Variants in SH3RF1 observed in about 807,000 individuals in gnomAD.
The protein encoded by SH3RF1 is E3 ubiquitin-protein ligase SH3RF1.
SH3RF1 carries 32 observed loss-of-function variants against 74.0 expected under a neutral mutation model. The ratio of observed to expected loss-of-function variants is 0.43; its 90% CI spans 0.33 to 0.58. The LOEUF (loss-of-function observed/expected upper bound fraction) is 0.58, where lower values mean the gene tolerates loss of function less well. Ranked by LOEUF, SH3RF1 falls within the 20% of genes least tolerant of loss-of-function variation. SH3RF1 has a pLI of 0.05. For missense variants in SH3RF1, 954 were observed against 1,130.9 expected (o/e 0.84, Z 2.24); for synonymous variants, 396 against 439.6 (o/e 0.90, Z 1.24).
intron 2 of SH3RF1, among the ~76,000 whole-genome samples, chr4:169,249,160 G>A (rs1179415339): frequency 3.9e-5 from 6 of 152,106 alleles, no homozygotes; most frequent in East Asian, 3.9e-4. Context: ...CCCGGGAGGC[G>A]GAGCTTGCAG....
chr4:169,145,385 A>G (rs953835898), intron 4 of SH3RF1, among the ~76,000 whole-genome samples: 7 of 152,130 alleles, frequency 4.6e-5, no homozygotes, highest in Middle Eastern at 6.8e-3. Flanking sequence ...AAAGATGGAA[A>G]TAACAGACAC....
intron 2 of SH3RF1, among the ~76,000 whole-genome samples, chr4:169,241,654 CA>C (rs1212503056): frequency 6.6e-6 from 1 of 152,110 alleles, no homozygotes; most frequent in African/African-American, 2.4e-5. Flanking sequence ...GCCTCTACAC[CA>C]AAAGGACAAT....
rs551947984 is a variant in SH3RF1 at position 169,176,195 on chromosome 4, G to A, written c.394-19516C>T. Among the ~76,000 whole-genome samples, 15 of 152,244 alleles carry A rather than the reference G, an allele frequency of 9.9e-5. No individual in the cohort carries two copies. In the South Asian group the frequency reaches 1.7e-3, roughly 17 times the overall value. On this transcript the variant is annotated intron_variant, in intron 2 of 11. Coordinates refer to ENST00000284637, the MANE Select transcript of SH3RF1 (RefSeq NM_020870.4). ...TTTATACTCCCCAGTCAGGTATTTT[G>A]TCCTAGCAGCCCAAGATCCCTAAGA...
At chr4:169,255,153 T>C (rs568752549) in intron 2 of SH3RF1, among the ~76,000 whole-genome samples, 21 of 152,316 alleles carry the variant, frequency 1.4e-4, no homozygotes, top group African/African-American at 4.6e-4. Flanking sequence ...AAAAACCCAG[T>C]AGATGACCAT....
chr4:169,158,044 T>G (rs969466201), intron 2 of SH3RF1, among the ~76,000 whole-genome samples: 1 of 152,246 alleles, frequency 6.6e-6, no homozygotes, highest in Admixed American at 6.5e-5. Flanking sequence ...CAGTGCAAGC[T>G]TTTACTTTTT....
chr4:169,199,517 T>C (rs1021225440), intron 2 of SH3RF1, among the ~76,000 whole-genome samples: 1 of 152,016 alleles, frequency 6.6e-6, no homozygotes, highest in African/African-American at 2.4e-5. Context: ...GGCCCCAACA[T>C]GGTAAAAGTC....
At chr4:169,128,542 A>G (rs1345448314) in intron 6 of SH3RF1, among the ~76,000 whole-genome samples, 2 of 152,236 alleles carry the variant, frequency 1.3e-5, no homozygotes. Context: ...GCCTAAGTCA[A>G]GCTAGGTAAT....
intron 2 of SH3RF1, among the ~76,000 whole-genome samples, chr4:169,194,136 C>T (rs1167685451): frequency 6.6e-6 from 1 of 152,114 alleles, no homozygotes; most frequent in African/African-American, 2.4e-5. Context: ...GTATGAAGTT[C>T]AGGTAGTCGT....
intron 1 of SH3RF1, 75 bp downstream of exon 1, chr4:169,270,784 A>C (rs1352595732): frequency 6.6e-6 from 1 of 152,070 alleles, no homozygotes. Flanking sequence ...GAATGTCGAG[A>C]CCACCGCCTT....
At position 169,158,571 on chromosome 4, in the gene SH3RF1, T is replaced by C. The variant is rs547858954; in HGVS notation, c.394-1892A>G. 4.6e-5 allele frequency among the ~76,000 whole-genome samples: 7 copies of C among 152,364 alleles called. No homozygotes were observed. The South Asian group carries it at 1.2e-3, about 27-fold the overall frequency. ...TGCACAAACAGACTTAGGTCCTATG[T>C]GCCGGACAGATCAGTCTGGCAGTAG... On this transcript the variant is annotated intron_variant, in intron 2 of 11. Coordinates refer to ENST00000284637, the MANE Select transcript of SH3RF1 (RefSeq NM_020870.4).
intron 2 of SH3RF1, among the ~76,000 whole-genome samples, chr4:169,216,150 G>T (rs1730458910): frequency 6.6e-6 from 1 of 151,972 alleles, no homozygotes; most frequent in Non-Finnish European, 1.5e-5. Flanking sequence ...AGCTATATTT[G>T]TATCAGTAGT....
chr4:169,255,622 TACACACACACAC>T (rs56229906), intron 2 of SH3RF1, among the ~76,000 whole-genome samples: 16 of 124,742 alleles, frequency 1.3e-4, no homozygotes, highest in South Asian at 6.1e-4. Context: ...CATACACACA[TACACACACACAC>T]ACACACACAC....
chr4:169,161,585 C>T (rs1734148746), intron 2 of SH3RF1, among the ~76,000 whole-genome samples: 1 of 152,198 alleles, frequency 6.6e-6, no homozygotes, highest in South Asian at 2.1e-4. Context: ...CCCAGATGTA[C>T]GTGCAAGACA....
Position 169,120,815 on chromosome 4 carries a change from A to G in SH3RF1, c.1517+4T>C, listed in dbSNP as rs1233809917. The G allele has an allele frequency of 1.9e-6, 3 of 1,613,344 alleles. No individual in the cohort carries two copies. The highest frequency in any genetic ancestry group is 1.3e-5 in the African/African-American group (1 of 74,930). On this transcript the variant is annotated splice_donor_region_variant and intron_variant, in intron 8 of 11. Coordinates refer to ENST00000284637, the MANE Select transcript of SH3RF1 (RefSeq NM_020870.4). The stretch of plus-strand genomic sequence containing the variant: ...CATAGTAAACAATGTATTCAAAACC[A>G]TACCTTGTGACTGGTGCCACATAAT...
intron 2 of SH3RF1, among the ~76,000 whole-genome samples, chr4:169,178,276 T>C (rs985908741): frequency 6.2e-5 from 9 of 144,688 alleles, no homozygotes; most frequent in African/African-American, 2.2e-4. Context: ...AAAAAAATTT[T>C]TTTTTAAATA....
chr4:169,121,107 A>G (rs1275554433), intron 7 of SH3RF1, 118 bp from the exon 8 acceptor site: 12 of 781,028 alleles, frequency 1.5e-5, no homozygotes, highest in Non-Finnish European at 2.5e-5. Flanking sequence ...CTGAAAGTAT[A>G]ATCCTTTAAT....
At chr4:169,194,725 T>C (rs1486324519) in intron 2 of SH3RF1, among the ~76,000 whole-genome samples, 2 of 152,138 alleles carry the variant, frequency 1.3e-5, no homozygotes, top group Non-Finnish European at 2.9e-5. Context: ...TTCTAAGGAG[T>C]GAAACTGCTA....
At chr4:169,212,057 C>CTTTT (rs34108534) in intron 2 of SH3RF1, among the ~76,000 whole-genome samples, 614 of 48,154 alleles carry the variant, frequency 0.013, no homozygotes, top group Non-Finnish European at 0.016. Context: ...CTTTTCTTTT[C>CTTTT]TTTTTTTTTT....
At chr4:169,147,993 T>C (rs1366259171) in intron 4 of SH3RF1, among the ~76,000 whole-genome samples, 3 of 135,426 alleles carry the variant, frequency 2.2e-5, no homozygotes, top group South Asian at 2.6e-4. Context: ...TAAAATATCA[T>C]GGTTTTAATT....
Sources: allele counts gnomAD v4.1 joint callset (sites outside exome capture counted in the v4.1 genomes callset), GRCh38; gene constraint gnomAD v4.1.1; transcripts MANE v1.5; gene names NCBI Gene and HGNC (gene_info 2026-07-23, HGNC 2026-07-21).